Variants in PRDM16 observed in about 807,000 individuals in gnomAD.
PRDM16 encodes the protein histone-lysine N-methyltransferase PRDM16.
In PRDM16, 23 loss-of-function variants were observed where a neutral mutation model predicts 110.6. The observed-to-expected ratio is 0.21, with a 90% CI of 0.15 to 0.29. The LOEUF (loss-of-function observed/expected upper bound fraction) is 0.29, where lower values mean the gene tolerates loss of function less well. PRDM16 is among the 10% of genes least tolerant of loss of function. The pLI is 1.00. For synonymous variants in PRDM16, 799 were observed against 781.8 expected, an observed-to-expected ratio of 1.02 and a Z score of -0.37; for missense variants, 1,615 against 1,794.3, an observed-to-expected ratio of 0.90 and a Z score of 1.81.
At chr1:3,184,067 C>G (rs556413828) in intron 1 of PRDM16, among the ~76,000 whole-genome samples, 1 of 151,826 alleles carries the variant, frequency 6.6e-6, no homozygotes, top group Non-Finnish European at 1.5e-5. Flanking sequence ...TCTTTCAAAC[C>G]TAAACAACTT....
At chr1:3,380,694 G>A (rs1643087376) in intron 3 of PRDM16, among the ~76,000 whole-genome samples, 1 of 152,218 alleles carries the variant, frequency 6.6e-6, no homozygotes, top group African/African-American at 2.4e-5. Context: ...CCTGGCAGGG[G>A]AGGGTTAGTA....
intron 2 of PRDM16, among the ~76,000 whole-genome samples, chr1:3,195,294 C>G (rs1016365431): frequency 2.0e-5 from 3 of 152,178 alleles, no homozygotes; most frequent in African/African-American, 7.2e-5. Context: ...ACGTTTTTAG[C>G]CCAAGAATGC....
chr1:3,203,797 C>T (rs990977227), intron 2 of PRDM16, among the ~76,000 whole-genome samples: 3 of 152,192 alleles, frequency 2.0e-5, no homozygotes, highest in African/African-American at 7.2e-5. Context: ...CCAACTCAGG[C>T]CGCGTTCTCA....
intron 3 of PRDM16, among the ~76,000 whole-genome samples, chr1:3,283,107 G>A (rs1429579993): frequency 2.6e-5 from 4 of 152,092 alleles, no homozygotes; most frequent in Non-Finnish European, 4.4e-5. Context: ...TGCCCCTCCC[G>A]ACACTTGGTT....
intron 1 of PRDM16, among the ~76,000 whole-genome samples, chr1:3,119,683 C>T (rs1158845594): frequency 4.6e-5 from 7 of 152,128 alleles, no homozygotes; most frequent in Non-Finnish European, 7.4e-5. Flanking sequence ...GCCAAGGCCT[C>T]GGAAAGTGGG....
chr1:3,215,623 A>C (rs911897484), intron 2 of PRDM16, among the ~76,000 whole-genome samples: 1 of 152,022 alleles, frequency 6.6e-6, no homozygotes, highest in African/African-American at 2.4e-5. Context: ...TCCTCCGGGG[A>C]CCTGTCGAGT....
chr1:3,283,246 C>A (rs535877852), intron 3 of PRDM16, among the ~76,000 whole-genome samples: 119 of 151,812 alleles, frequency 7.8e-4, no homozygotes, highest in African/African-American at 2.7e-3. Context: ...GCGGGGCTGT[C>A]CCTGCAATGG....
In PRDM16 at chr1:3,092,441, T is replaced by C. The variant is rs1570236776; in HGVS notation, c.37+23145T>C. Among the ~76,000 whole-genome samples the C allele has an allele frequency of 2.0e-5, 3 of 152,222 alleles. No homozygotes were observed. In the East Asian group the frequency reaches 5.8e-4, roughly 29 times the overall value. ...GCACCGAGTGCCACCAGCACTTGGGTCCATGAATGGAGCAGGTCTCAGGAT... is the reference window on the plus strand; with the variant it reads ...GCACCGAGTGCCACCAGCACTTGGGCCCATGAATGGAGCAGGTCTCAGGAT... On this transcript the variant is annotated intron_variant, in intron 1 of 16. Coordinates refer to ENST00000270722, the MANE Select transcript of PRDM16 (RefSeq NM_022114.4).
chr1:3,288,366 C>G (rs1640902917), intron 3 of PRDM16, among the ~76,000 whole-genome samples: 1 of 152,210 alleles, frequency 6.6e-6, no homozygotes, highest in South Asian at 2.1e-4. Context: ...CCCGCTCTGT[C>G]TCTCTCCACC....
rs569986019 is a variant in PRDM16, at chr1:3,382,047, C to T, written c.439-3105C>T. ...TGGCAGAGGAAGATGGCAGGGCTGCCGACCACAGCTCTGGCTTGGCGGGCC... is the reference window on the plus strand; with the variant it reads ...TGGCAGAGGAAGATGGCAGGGCTGCTGACCACAGCTCTGGCTTGGCGGGCC... On this transcript the variant is annotated intron_variant, in intron 3 of 16. Transcript: ENST00000270722. The surrounding 1 kb of genome is among the most constrained non-coding windows in gnomAD (Gnocchi z 6.6). Among the ~76,000 whole-genome samples, 1 of 152,322 alleles carries T rather than the reference C, an allele frequency of 6.6e-6. No homozygotes were observed. Among genetic ancestry groups the T allele is most frequent in the East Asian group, 1.9e-4 (1 of 5,176 alleles).
chr1:3,380,094 C>T (rs1643076188), intron 3 of PRDM16, among the ~76,000 whole-genome samples: 1 of 150,562 alleles, frequency 6.6e-6, no homozygotes. Context: ...GGCGCACCCC[C>T]TCCCAACACA....
In PRDM16 at chr1:3,267,901, C is replaced by G. The variant is rs866251437; in HGVS notation, c.438+23764C>G. Among the ~76,000 whole-genome samples the G allele has an allele frequency of 5.1e-4, 78 of 152,332 alleles. 2 individuals carry two copies. Among genetic ancestry groups the G allele is most frequent in the Middle Eastern group, 6.8e-3 (2 of 294 alleles). On this transcript the variant is annotated intron_variant, in intron 3 of 16. Transcript: ENST00000270722. ...TCCTAAGCCGAGTCAGAAGTGGAAT[C>G]CAAGCCAGGATGGAGGTGGAAACCC... is the stretch of plus-strand genomic sequence containing the variant.
rs1642888708 is a variant in PRDM16 at position 3,370,622 on chromosome 1, C to G, written c.439-14530C>G. On this transcript the variant is annotated intron_variant, in intron 3 of 16. Transcript: ENST00000270722. The surrounding 1 kb of genome is among the most constrained non-coding windows in gnomAD (Gnocchi z 4.8). ...AGAAGGGCAGGGACTGTGAGAGTGT[C>G]TGAGAGGAGCCTCACCCTGATGTGA... Among the ~76,000 whole-genome samples the G allele has an allele frequency of 6.6e-6, 1 of 152,118 alleles. No homozygotes were observed. Among genetic ancestry groups the G allele is most frequent in the African/African-American group, 2.4e-5 (1 of 41,418 alleles).
chr1:3,095,908 C>T (rs577335348), intron 1 of PRDM16, among the ~76,000 whole-genome samples: 4 of 152,010 alleles, frequency 2.6e-5, no homozygotes, highest in African/African-American at 9.7e-5. Flanking sequence ...AGCATGGACT[C>T]GAGGTCCGCT....
At chr1:3,347,702 G>A (rs79940427) in intron 3 of PRDM16, among the ~76,000 whole-genome samples, 1 of 152,364 alleles carries the variant, frequency 6.6e-6, no homozygotes, top group African/African-American at 2.4e-5. Flanking sequence ...TGAATGGGCA[G>A]GTTCCGGGCT....
At chr1:3,304,342 C>T (rs1641265876) in intron 3 of PRDM16, among the ~76,000 whole-genome samples, 1 of 152,242 alleles carries the variant, frequency 6.6e-6, no homozygotes, top group Non-Finnish European at 1.5e-5. Flanking sequence ...AGCAACGCTG[C>T]CTCTGAGAGA....
At chr1:3,292,071 G>C (rs1447498458) in intron 3 of PRDM16, among the ~76,000 whole-genome samples, 1 of 152,238 alleles carries the variant, frequency 6.6e-6, no homozygotes, top group Admixed American at 6.5e-5. Context: ...CTTCAGCAAG[G>C]CTGGCGGAGA....
At position 3,245,139 on chromosome 1, in the gene PRDM16, T is replaced by C. The variant is rs936523493; in HGVS notation, c.438+1002T>C. 2.0e-5 allele frequency among the ~76,000 whole-genome samples: 3 copies of C among 152,066 alleles called. No homozygotes were observed. The highest frequency in any genetic ancestry group is 1.3e-4 in the Admixed American group (2 of 15,266). On this transcript the variant is annotated intron_variant, in intron 3 of 16. Transcript: ENST00000270722. The surrounding 1 kb of genome is among the most constrained non-coding windows in gnomAD (Gnocchi z 4.7). ...CAGTGCTGAGTCAGTGCCTACCGAG[T>C]GCTGTTACAATTCTGTCAGAATTAC...
intron 3 of PRDM16, among the ~76,000 whole-genome samples, chr1:3,289,064 G>A (rs552319247): frequency 1.8e-4 from 27 of 152,352 alleles, no homozygotes; most frequent in African/African-American, 6.0e-4. Flanking sequence ...CCCAAGCCCT[G>A]CAGAGGAGGA....
Sources: gnomAD v4.1 joint callset for allele counts (sites outside exome capture counted in the v4.1 genomes callset) on GRCh38, gnomAD v4.1.1 for gene constraint, Gnocchi (gnomAD v3.1) non-coding constraint, MANE v1.5 for transcripts, NCBI Gene and HGNC (gene_info 2026-07-23, HGNC 2026-07-21) for gene names.